Variants in CLCNKA observed in about 807,000 individuals in gnomAD.
The protein encoded by CLCNKA is chloride channel protein ClC-Ka.
CLCNKA carries 66 observed loss-of-function variants against 83.3 expected under a neutral mutation model. That is an observed-to-expected ratio of 0.79 (90% confidence interval 0.65 to 0.97). CLCNKA has a LOEUF of 0.97. Among genes scored for constraint, CLCNKA ranks in the 50% least tolerant of loss-of-function variants. The probability of loss-of-function intolerance (pLI) is 0.00; values close to 1 mark genes in which losing one functional copy is unlikely to be tolerated. For missense variants in CLCNKA, 806 were observed against 888.7 expected (o/e 0.91, Z 1.18); for synonymous variants, 357 against 370.4 (o/e 0.96, Z 0.42).
intron 18 of CLCNKA, among the ~76,000 whole-genome samples, chr1:16,032,803 A>G (rs547797741): frequency 2.6e-5 from 4 of 152,358 alleles, no homozygotes; most frequent in Admixed American, 1.3e-4. Flanking sequence ...CGTGCGTTTC[A>G]ATTTCAGGTC....
chr1:16,029,582 C>T, intron 12 of CLCNKA, 149 bp from the exon 13 acceptor site: 1 of 1,105,418 alleles, frequency 9.0e-7, no homozygotes, highest in South Asian at 1.3e-5. Flanking sequence ...AGGGTGAGGA[C>T]CCTCCCCTAA....
At chr1:16,031,057 C>T (rs2124052644) in intron 15 of CLCNKA, among the ~76,000 whole-genome samples, 1 of 152,312 alleles carries the variant, frequency 6.6e-6, no homozygotes, top group South Asian at 2.1e-4. Flanking sequence ...CTTGCTGGGA[C>T]TTTGGGAGCA....
rs2022352382 is a variant in CLCNKA at position 16,026,475 on chromosome 1, T to C, written c.499-61T>C. On this transcript the variant is annotated intron_variant, in intron 5 of 19. Transcript: ENST00000331433. ...AGGAGGGGGTGTGGTGGGGAAGCCG[T>C]GCTGCCTCGGGGTGAGACTGTCTCT... 9 of 1,605,802 alleles carry C rather than the reference T, an allele frequency of 5.6e-6. No homozygotes were observed. In the Admixed American group the frequency reaches 1.3e-4, roughly 24 times the overall value.
intron 10 of CLCNKA, among the ~76,000 whole-genome samples, chr1:16,028,328 C>T (rs534653829): frequency 1.2e-3 from 189 of 151,898 alleles, no homozygotes; most frequent in Non-Finnish European, 2.1e-3. Flanking sequence ...CCCATCCCTC[C>T]TTCATTCTAC....
intron 8 of CLCNKA, 68 bp downstream of exon 8, chr1:16,027,503 C>CTCTGTGTACA: frequency 6.3e-7 from 1 of 1,598,918 alleles, no homozygotes; most frequent in Non-Finnish European, 8.5e-7. Flanking sequence ...CTCCCTTCTC[C>CTCTGTGTACA]TCTGTGTACA....
In CLCNKA at chr1:16,032,526, G is replaced by A. The variant is rs2022669384; in HGVS notation, c.1929G>A (p.Gln643=). ...TATTCTCAGAGACCACCTTGCACCA[G>A]GTAACAAGTATTGGGGAGTGTGACA... is the stretch of plus-strand genomic sequence containing the variant. The part of the protein sequence containing the change: ...LTLFSETTLH[Q]AQNLFKLLNL... Residue 643 remains glutamine (Q), a splice_region_variant and synonymous_variant, in exon 18 of 20, where the codon CAG becomes CAA. Coordinates refer to ENST00000331433, the MANE Select transcript of CLCNKA (RefSeq NM_004070.4). 6.2e-7 allele frequency: 1 copy of A among 1,611,368 alleles called. No individual in the cohort carries two copies. Among genetic ancestry groups the A allele is most frequent in the East Asian group, 2.2e-5 (1 of 44,870 alleles).
At chr1:16,028,236 G>C in intron 10 of CLCNKA, 117 bp downstream of exon 10, 4 of 949,676 alleles carry the variant, frequency 4.2e-6, no homozygotes, top group Non-Finnish European at 6.6e-6. Context: ...TCCCTAGCCC[G>C]TGGAGCATCT....
chr1:16,031,098 G>A (rs1378234624), intron 15 of CLCNKA, among the ~76,000 whole-genome samples: 1 of 152,168 alleles, frequency 6.6e-6, no homozygotes, highest in Non-Finnish European at 1.5e-5. Context: ...AATGGGCTTT[G>A]AAGTCCTCAC....
At chr1:16,026,893 C>T in intron 7 of CLCNKA, 118 bp downstream of exon 7, 1 of 1,397,216 alleles carries the variant, frequency 7.2e-7, no homozygotes, top group Non-Finnish European at 1.0e-6. Flanking sequence ...CTTGTTCTCA[C>T]TTCAGCCCCG....
chr1:16,022,395 G>C (rs1200617227), intron 1 of CLCNKA, among the ~76,000 whole-genome samples: 2 of 152,082 alleles, frequency 1.3e-5, no homozygotes, highest in African/African-American at 4.8e-5. Context: ...GGACACCTAG[G>C]AATCCCACCC....
chr1:16,029,726 T>A lies in CLCNKA; in HGVS notation c.1228-5T>A. ...ACCTCTGCCCTGGGCTCCCCCTTCC[T>A]GCAGTTCTGGATGCTGATTCTGGCC... On this transcript the variant is annotated splice_region_variant and splice_polypyrimidine_tract_variant and intron_variant, in intron 12 of 19. Coordinates refer to ENST00000331433, the MANE Select transcript of CLCNKA (RefSeq NM_004070.4). The A allele has an allele frequency of 6.2e-7, 1 of 1,614,114 alleles. No individual in the cohort carries two copies. The highest frequency in any genetic ancestry group is 8.5e-7 in the Non-Finnish European group (1 of 1,180,000).
rs766884314 is a variant in CLCNKA, at chr1:16,032,425, A to C, written c.1846-18A>C. 3.1e-6 allele frequency: 5 copies of C among 1,606,328 alleles called. No homozygotes were observed. Among genetic ancestry groups the C allele is most frequent in the Non-Finnish European group, 4.3e-6 (5 of 1,173,990 alleles). On this transcript the variant is annotated intron_variant, in intron 17 of 19. Coordinates refer to ENST00000331433, the MANE Select transcript of CLCNKA (RefSeq NM_004070.4). ...TGGGGAGGCCGGCCCTGCACCCATA[A>C]CTCTTCCCCACTCCCAGCAGTGTCT...
At chr1:16,030,407 A>G in intron 14 of CLCNKA, 54 bp from the exon 15 acceptor site, 4 of 1,602,290 alleles carry the variant, frequency 2.5e-6, no homozygotes, top group Non-Finnish European at 2.6e-6. Flanking sequence ...CCCTCACATC[A>G]GGCTGGCCCC....
chr1:16,029,414 C>A, intron 12 of CLCNKA, 115 bp downstream of exon 12: 1 of 1,490,230 alleles, frequency 6.7e-7, no homozygotes, highest in Non-Finnish European at 9.2e-7. Flanking sequence ...CCCACACTTC[C>A]TTCTGTGCCC....
chr1:16,024,691 T>C, intron 3 of CLCNKA, 72 bp from the exon 4 acceptor site: 3 of 1,600,328 alleles, frequency 1.9e-6, no homozygotes, highest in Non-Finnish European at 2.6e-6. Flanking sequence ...GGTCAGTAAG[T>C]GGGCACCACA....
At position 16,028,048 on chromosome 1, in the gene CLCNKA, C is replaced by G. The variant is rs536038955; in HGVS notation, c.897C>G (p.Tyr299Ter). ...TCTGCGGCGTCCTGAGCTGTGCTTA[C>G]CTCTTCTGTCAGCGAACCTTCCTCA... is the stretch of plus-strand genomic sequence containing the variant. ...GGICGVLSCA[Y>*]LFCQRTFLSF... The change falls in exon 10 of 20, where the codon TAC becomes TAG. Residue 299 changes from tyrosine to a stop codon, truncating the protein, a stop_gained. Transcript: ENST00000331433. LOFTEE classifies it high-confidence loss of function. 2.5e-6 allele frequency: 4 copies of G among 1,613,570 alleles called. No individual in the cohort carries two copies. In the African/African-American group the frequency reaches 5.3e-5, roughly 22 times the overall value.
rs547171250 is a variant in CLCNKA, at chr1:16,031,012, G to A, written c.1622+338G>A. 3.3e-5 allele frequency among the ~76,000 whole-genome samples: 5 copies of A among 152,298 alleles called. No homozygotes were observed. The East Asian group carries it at 5.8e-4, about 18-fold the overall frequency. On this transcript the variant is annotated intron_variant, in intron 15 of 19. Coordinates refer to ENST00000331433, the MANE Select transcript of CLCNKA (RefSeq NM_004070.4). ...GACACAGAGAGTCAGCACCAGATCC[G>A]AGAGGTCTCCTCCCCTCTCCCCACT...
At chr1:16,022,443 A>G (rs1388382432) in intron 1 of CLCNKA, among the ~76,000 whole-genome samples, 170 bp from the exon 2 acceptor site, 2 of 152,160 alleles carry the variant, frequency 1.3e-5, no homozygotes, top group South Asian at 4.1e-4. Context: ...ACACACCCTC[A>G]GTGACGGAAC....
chr1:16,029,981 C>A lies in CLCNKA; in HGVS notation c.1314C>A (p.Arg438=). ...PIFILGAAIG[R]LLGEALAVAF... ...TGTGGCCAGGAGCTGCCATCGGGCGCCTCTTGGGAGAGGCTCTTGCCGTCG... is the reference window on the plus strand; with the variant it reads ...TGTGGCCAGGAGCTGCCATCGGGCGACTCTTGGGAGAGGCTCTTGCCGTCG... The change falls in exon 14 of 20, where the codon CGC becomes CGA. Residue 438 remains arginine, a synonymous_variant. Coordinates refer to ENST00000331433, the MANE Select transcript of CLCNKA (RefSeq NM_004070.4). 1 of 1,611,864 alleles carries A rather than the reference C, an allele frequency of 6.2e-7. No homozygotes were observed. Among genetic ancestry groups the A allele is most frequent in the Non-Finnish European group, 8.5e-7 (1 of 1,178,238 alleles).
Sources: allele counts gnomAD v4.1 joint callset (sites outside exome capture counted in the v4.1 genomes callset), GRCh38; gene constraint gnomAD v4.1.1; transcripts MANE v1.5; gene names NCBI Gene and HGNC (gene_info 2026-07-23, HGNC 2026-07-21).